The following NAALADL2 variants were observed in gnomAD, a reference collection of about 807,000 sequenced individuals.
NAALADL2 encodes the protein inactive N-acetylated-alpha-linked acidic dipeptidase-like protein 2.
NAALADL2 carries 76 observed loss-of-function variants against 87.2 expected under a neutral mutation model. The ratio of observed to expected loss-of-function variants is 0.87; its 90% CI spans 0.72 to 1.05. The LOEUF is 1.05. Ranked by LOEUF, NAALADL2 falls within the 50% of genes least tolerant of loss-of-function variation. The pLI is 0.00. For missense variants in NAALADL2, 1,089 were observed against 945.8 expected (o/e 1.15, Z -1.99); for synonymous variants, 354 against 331.0 (o/e 1.07, Z -0.75).
intron 1 of NAALADL2, among the ~76,000 whole-genome samples, chr3:174,923,548 TGAG>T (rs1371545055): frequency 2.0e-5 from 3 of 152,150 alleles, no homozygotes; most frequent in African/African-American, 2.4e-5. Flanking sequence ...AGCAAAAGTT[TGAG>T]GAGAAGCAGG....
intron 3 of NAALADL2, among the ~76,000 whole-genome samples, chr3:175,239,699 G>T (rs752721729): frequency 2.0e-5 from 3 of 152,152 alleles, no homozygotes; most frequent in Non-Finnish European, 4.4e-5. Context: ...TTATTATGAA[G>T]ATATGTGTCA....
chr3:175,318,517 T>C (rs1185125971), intron 4 of NAALADL2, among the ~76,000 whole-genome samples: 17 of 152,122 alleles, frequency 1.1e-4, no homozygotes, highest in Non-Finnish European at 1.5e-5. Context: ...TTTTTATTTA[T>C]TTAAAAAGTA....
At chr3:175,801,516 G>A (rs58026952) in intron 13 of NAALADL2, among the ~76,000 whole-genome samples, 336 of 152,084 alleles carry the variant, frequency 2.2e-3, no homozygotes, top group African/African-American at 7.8e-3. Flanking sequence ...CTTCTGCATA[G>A]GATGCTGTCC....
Position 175,193,227 on chromosome 3 carries a change from C to T in NAALADL2, c.546-40704C>T, listed in dbSNP as rs115290464. Among the ~76,000 whole-genome samples the T allele has an allele frequency of 8.4e-3, 1,256 of 149,788 alleles. 18 individuals are homozygous for T. The highest frequency in any genetic ancestry group is 0.029 in the African/African-American group (1,180 of 40,942). ...ACTTACTAGTTGTGTGTTTTTTTTTCAAATTATTTACACTCTCTGAGCCTT... is the reference window on the plus strand; with the variant it reads ...ACTTACTAGTTGTGTGTTTTTTTTTTAAATTATTTACACTCTCTGAGCCTT... On this transcript the variant is annotated intron_variant, in intron 2 of 13. Coordinates refer to ENST00000454872, the MANE Select transcript of NAALADL2 (RefSeq NM_207015.3).
At position 174,548,432 on chromosome 3, in the gene NAALADL2, A is replaced by G. The variant is rs191137302; in HGVS notation, c.-183-2137A>G. On this transcript the variant is annotated intron_variant, in intron 1 of 3. Transcript: ENST00000434257. ...AAGCTGCAGATAGTTTTGTCTCTGC[A>G]TTATTGAATTATAGACAATTTAAAT... Among the ~76,000 whole-genome samples the G allele has an allele frequency of 7.2e-4, 110 of 152,338 alleles. 1 individual carries two copies. Among genetic ancestry groups the G allele is most frequent in the African/African-American group, 2.5e-3 (104 of 41,586 alleles).
At chr3:175,523,115 C>G (rs146563997) in intron 9 of NAALADL2, among the ~76,000 whole-genome samples, 96 of 152,236 alleles carry the variant, frequency 6.3e-4, no homozygotes, top group Non-Finnish European at 1.2e-3. Context: ...ATCAGCGGTT[C>G]TACCAAGTAG....
chr3:175,332,111 C>T (rs1761476040), intron 5 of NAALADL2, among the ~76,000 whole-genome samples: 1 of 152,160 alleles, frequency 6.6e-6, no homozygotes, highest in Non-Finnish European at 1.5e-5. Context: ...ATCTTGTGCT[C>T]ATGGACTGGA....
chr3:175,368,959 A>G (rs145081086), intron 5 of NAALADL2, among the ~76,000 whole-genome samples: 1 of 152,278 alleles, frequency 6.6e-6, no homozygotes, highest in African/African-American at 2.4e-5. Flanking sequence ...GTGGGAGTAG[A>G]AGTTGCTCTG....
chr3:174,708,262 A>C (rs1044162096), intron 2 of NAALADL2, among the ~76,000 whole-genome samples: 1 of 152,184 alleles, frequency 6.6e-6, no homozygotes, highest in African/African-American at 2.4e-5. Context: ...CATTTAGCTC[A>C]TTTTAGCAAA....
At chr3:175,766,913 CA>C (rs968092821) in intron 13 of NAALADL2, among the ~76,000 whole-genome samples, 2 of 151,284 alleles carry the variant, frequency 1.3e-5, no homozygotes, top group Non-Finnish European at 2.9e-5. Context: ...CTGTAAGCCA[CA>C]AAAAAAATAC....
At chr3:175,558,574 T>C (rs1037245158) in intron 9 of NAALADL2, among the ~76,000 whole-genome samples, 2 of 152,238 alleles carry the variant, frequency 1.3e-5, no homozygotes, top group African/African-American at 4.8e-5. Flanking sequence ...TTTAAGTTTT[T>C]AATCCACTTG....
intron 9 of NAALADL2, among the ~76,000 whole-genome samples, chr3:175,570,913 TTATGGTGTATTGAA>T (rs1717979939): frequency 6.6e-6 from 1 of 151,776 alleles, no homozygotes; most frequent in African/African-American, 2.4e-5. Context: ...CTTAATTTTA[TTATGGTGTATTGAA>T]TATGGTATTT....
chr3:175,481,305 A>G (rs1726421059), intron 9 of NAALADL2, among the ~76,000 whole-genome samples: 1 of 151,124 alleles, frequency 6.6e-6, no homozygotes, highest in Admixed American at 6.6e-5. Flanking sequence ...ATACATTTCA[A>G]AGATTTCTTT....
chr3:174,994,610 C>G (rs1217251953), intron 1 of NAALADL2, among the ~76,000 whole-genome samples: 4 of 149,508 alleles, frequency 2.7e-5, no homozygotes, highest in Non-Finnish European at 5.9e-5. Flanking sequence ...TTTTAGCGGT[C>G]AACAAAACAG....
In NAALADL2 at chr3:174,591,213, G is replaced by A. The variant is rs1004908111; in HGVS notation, c.-115+40576G>A. Among the ~76,000 whole-genome samples, 4 of 152,238 alleles carry A rather than the reference G, an allele frequency of 2.6e-5. No individual in the cohort carries two copies. In the Middle Eastern group the frequency reaches 0.01, roughly 388 times the overall value. On this transcript the variant is annotated intron_variant, in intron 2 of 3. Coordinates refer to the NAALADL2 transcript ENST00000434257. ...CCTTCCAATGGTCTTCTGACAATACGGCCTTGAATTATATTCTTTTCTAAC... is the reference window on the plus strand; with the variant it reads ...CCTTCCAATGGTCTTCTGACAATACAGCCTTGAATTATATTCTTTTCTAAC...
intron 2 of NAALADL2, among the ~76,000 whole-genome samples, chr3:175,163,431 C>T (rs995566677): frequency 6.6e-5 from 10 of 151,784 alleles, no homozygotes; most frequent in East Asian, 1.9e-4. Flanking sequence ...CAAGAGGCTC[C>T]GTTTTGTATG....
chr3:175,802,223 C>T (rs1283553415), intron 13 of NAALADL2, among the ~76,000 whole-genome samples: 1 of 151,890 alleles, frequency 6.6e-6, no homozygotes, highest in Non-Finnish European at 1.5e-5. Flanking sequence ...TTGCAATTAC[C>T]TAATATCACC....
At chr3:175,003,615 G>A (rs911905535) in intron 1 of NAALADL2, among the ~76,000 whole-genome samples, 3 of 152,076 alleles carry the variant, frequency 2.0e-5, no homozygotes, top group Admixed American at 6.6e-5. Flanking sequence ...GAAAAAAATT[G>A]TGTCTGATCT....
At chr3:174,993,360 C>G (rs891453700) in intron 1 of NAALADL2, among the ~76,000 whole-genome samples, 1 of 152,054 alleles carries the variant, frequency 6.6e-6, no homozygotes, top group African/African-American at 2.4e-5. Flanking sequence ...GAAGAGTGTT[C>G]GATGCTGGGA....
Sources: gnomAD v4.1 joint callset for allele counts (sites outside exome capture counted in the v4.1 genomes callset) on GRCh38, gnomAD v4.1.1 for gene constraint, MANE v1.5 for transcripts, NCBI Gene and HGNC (gene_info 2026-07-23, HGNC 2026-07-21) for gene names.